Variants in GTF2E1 observed in about 807,000 individuals in gnomAD.
GTF2E1 encodes the protein TFIIE alpha subunit.
In GTF2E1, 14 loss-of-function variants were observed where a neutral mutation model predicts 34.9. The ratio of observed to expected loss-of-function variants is 0.40; its 90% CI spans 0.27 to 0.63. The LOEUF is 0.63. GTF2E1 is among the 20% of genes least tolerant of loss of function. The pLI is 0.39. For synonymous variants in GTF2E1, 188 were observed against 192.9 expected, an observed-to-expected ratio of 0.97 and a Z score of 0.21; for missense variants, 469 against 557.7, an observed-to-expected ratio of 0.84 and a Z score of 1.60.
At chr3:120,751,094 T>C in intron 2 of GTF2E1, 94 bp downstream of exon 2, 1 of 758,806 alleles carries the variant, frequency 1.3e-6, no homozygotes. Flanking sequence ...ATCATATATA[T>C]TATTATAAAA....
intron 2 of GTF2E1, among the ~76,000 whole-genome samples, chr3:120,758,115 A>G (rs1279527264): frequency 6.6e-6 from 1 of 152,186 alleles, no homozygotes; most frequent in East Asian, 1.9e-4. Context: ...AGCCAAGATC[A>G]CGCCACTGCC....
At chr3:120,756,052 G>C (rs934613718) in intron 2 of GTF2E1, among the ~76,000 whole-genome samples, 1 of 152,134 alleles carries the variant, frequency 6.6e-6, no homozygotes, top group African/African-American at 2.4e-5. Flanking sequence ...TAGCTATTGT[G>C]AACAGTGCTG....
rs981151120 is a variant in GTF2E1, at chr3:120,783,019, C to T, written c.*1549C>T. 6.6e-6 allele frequency: 1 copy of T among 151,882 alleles called. No homozygotes were observed. Among genetic ancestry groups the T allele is most frequent in the Non-Finnish European group, 1.5e-5 (1 of 67,988 alleles). The allele number at this position is 151,882 out of a possible 1,614,324, so 9.4% of individuals were successfully genotyped here. On this transcript the variant is annotated 3_prime_UTR_variant, in exon 5 of 5. Coordinates refer to ENST00000283875, the MANE Select transcript of GTF2E1 (RefSeq NM_005513.3). ...CTTGTATGGAGTGATGTTTCATTTA[C>T]CTGGGTTGTGTTAATGACTGAATGT...
chr3:120,744,486 C>A (rs1709087781), intron 1 of GTF2E1, among the ~76,000 whole-genome samples: 1 of 152,202 alleles, frequency 6.6e-6, no homozygotes, highest in African/African-American at 2.4e-5. Flanking sequence ...AAAGACACTT[C>A]TAAAAGTGAT....
intron 4 of GTF2E1, among the ~76,000 whole-genome samples, chr3:120,777,270 C>T (rs1255697338): frequency 2.6e-5 from 4 of 152,130 alleles, no homozygotes; most frequent in Admixed American, 2.6e-4. Flanking sequence ...AAGTTTTAGT[C>T]TAAGTTACTG....
intron 2 of GTF2E1, among the ~76,000 whole-genome samples, chr3:120,753,758 A>G (rs16831603): frequency 0.017 from 2,587 of 152,230 alleles, 69 homozygotes; most frequent in African/African-American, 0.055. Flanking sequence ...GTTTACTACT[A>G]TTTCCTACTC....
At chr3:120,759,992 T>G (rs1709245644) in intron 2 of GTF2E1, among the ~76,000 whole-genome samples, 1 of 152,234 alleles carries the variant, frequency 6.6e-6, no homozygotes, top group Non-Finnish European at 1.5e-5. Context: ...AGTGGTAGCT[T>G]GATGGGGATA....
At chr3:120,745,272 G>A (rs992628291) in intron 1 of GTF2E1, among the ~76,000 whole-genome samples, 2 of 152,176 alleles carry the variant, frequency 1.3e-5, no homozygotes, top group African/African-American at 4.8e-5. Flanking sequence ...GGGGGCCTAA[G>A]AAATACTGGA....
At position 120,748,728 on chromosome 3, in the gene GTF2E1, G is replaced by A. The variant is rs969056590; in HGVS notation, c.-30-1795G>A. Reference sequence around the variant, plus strand: ...CTTTTGGCTTAGGATTGACTTGGCAGTGTGGGCTCTTTTTTGGTTCCATAT... The same window carrying A: ...CTTTTGGCTTAGGATTGACTTGGCAATGTGGGCTCTTTTTTGGTTCCATAT... On this transcript the variant is annotated intron_variant, in intron 1 of 4. Transcript: ENST00000283875. Among the ~76,000 whole-genome samples the A allele has an allele frequency of 8.0e-4, 122 of 152,262 alleles. 1 individual carries two copies. The highest frequency in any genetic ancestry group is 2.8e-3 in the African/African-American group (117 of 41,566).
intron 2 of GTF2E1, among the ~76,000 whole-genome samples, chr3:120,758,618 G>A (rs1360608911): frequency 6.6e-6 from 1 of 151,500 alleles, no homozygotes; most frequent in East Asian, 2.0e-4. Context: ...TCCCTGCCTT[G>A]TGTCCATGTG....
chr3:120,748,545 A>G (rs1709130603), intron 1 of GTF2E1, among the ~76,000 whole-genome samples: 1 of 152,168 alleles, frequency 6.6e-6, no homozygotes, highest in African/African-American at 2.4e-5. Context: ...AGGTTTGTCA[A>G]AGATCAGATA....
At chr3:120,754,112 C>G in intron 2 of GTF2E1, among the ~76,000 whole-genome samples, 1 of 152,164 alleles carries the variant, frequency 6.6e-6, no homozygotes. Context: ...TTTTAGCAGT[C>G]TCAACCATGG....
chr3:120,768,365 C>T (rs35989391), intron 2 of GTF2E1, among the ~76,000 whole-genome samples: 1 of 152,202 alleles, frequency 6.6e-6, no homozygotes, highest in East Asian at 1.9e-4. Context: ...CAGAGTGTGC[C>T]TGATGGGAGA....
chr3:120,750,375 A>C (rs1709154287), intron 1 of GTF2E1, 148 bp from the exon 2 acceptor site: 1 of 569,310 alleles, frequency 1.8e-6, no homozygotes, highest in East Asian at 2.8e-5. Context: ...TGTGCATTCT[A>C]GAGGAAAATC....
chr3:120,747,008 A>C (rs1279101588), intron 1 of GTF2E1, among the ~76,000 whole-genome samples: 1 of 152,080 alleles, frequency 6.6e-6, no homozygotes, highest in East Asian at 1.9e-4. Context: ...AGGTGGCTTG[A>C]AATTGTTTAA....
chr3:120,777,562 T>C (rs934205003), intron 4 of GTF2E1, among the ~76,000 whole-genome samples: 1 of 152,226 alleles, frequency 6.6e-6, no homozygotes, highest in African/African-American at 2.4e-5. Flanking sequence ...ATAATTAGCA[T>C]TTAGTATATG....
chr3:120,774,111 G>A (rs992111182), intron 3 of GTF2E1, among the ~76,000 whole-genome samples: 1 of 152,148 alleles, frequency 6.6e-6, no homozygotes, highest in Non-Finnish European at 1.5e-5. Flanking sequence ...TCTGAATCAA[G>A]GAAAGATAAG....
chr3:120,760,958 T>C (rs1576359052), intron 2 of GTF2E1, among the ~76,000 whole-genome samples: 1 of 152,188 alleles, frequency 6.6e-6, no homozygotes, highest in Admixed American at 6.5e-5. Context: ...TTAAGGAGGA[T>C]TTCCTCTTTT....
At chr3:120,768,284 G>A (rs1007746898) in intron 2 of GTF2E1, among the ~76,000 whole-genome samples, 2 of 152,162 alleles carry the variant, frequency 1.3e-5, no homozygotes. Flanking sequence ...AGTAAGTTTG[G>A]AGATGAGCCA....
Sources: allele counts gnomAD v4.1 joint callset (sites outside exome capture counted in the v4.1 genomes callset), GRCh38; gene constraint gnomAD v4.1.1; transcripts MANE v1.5; gene names NCBI Gene and HGNC (gene_info 2026-07-23, HGNC 2026-07-21).